The following MINDY4 variants were observed in gnomAD, a reference collection of about 807,000 sequenced individuals.
MINDY4 encodes MINDY lysine 48 deubiquitinase 4, also known as probable ubiquitin carboxyl-terminal hydrolase MINDY-4.
A neutral mutation model predicts 87.0 loss-of-function variants in MINDY4; 68 were observed. The ratio of observed to expected loss-of-function variants is 0.78; its 90% CI spans 0.64 to 0.96. MINDY4 has a LOEUF of 0.96. Ranked by LOEUF, MINDY4 falls within the 40% of genes least tolerant of loss-of-function variation. The pLI is 0.00. For missense variants in MINDY4, 919 were observed against 928.2 expected, an observed-to-expected ratio of 0.99 and a Z score of 0.13; for synonymous variants, 379 against 363.2, an observed-to-expected ratio of 1.04 and a Z score of -0.50.
At chr7:30,807,026 G>A (rs1224449395) in intron 5 of MINDY4, among the ~76,000 whole-genome samples, 1 of 152,258 alleles carries the variant, frequency 6.6e-6, no homozygotes, top group African/African-American at 2.4e-5. Context: ...TGGTCCCAGT[G>A]TCACTTTGTT....
chr7:30,845,079 G>A (rs1020927398), intron 9 of MINDY4, among the ~76,000 whole-genome samples: 1 of 152,170 alleles, frequency 6.6e-6, no homozygotes, highest in Non-Finnish European at 1.5e-5. Context: ...TTGTGCTGCT[G>A]TGCCCTGCAA....
At chr7:30,824,185 G>T (rs2128561516) in intron 5 of MINDY4, among the ~76,000 whole-genome samples, 1 of 152,284 alleles carries the variant, frequency 6.6e-6, no homozygotes, top group South Asian at 2.1e-4. Context: ...TCTAATGAGG[G>T]CCTTCTTGCT....
At chr7:30,867,394 A>C (rs1413949678) in intron 13 of MINDY4, among the ~76,000 whole-genome samples, 1 of 152,154 alleles carries the variant, frequency 6.6e-6, no homozygotes, top group African/African-American at 2.4e-5. Flanking sequence ...TCTGGTTGTT[A>C]TAGTAGGAAA....
At chr7:30,811,094 G>A (rs1326508591) in intron 5 of MINDY4, among the ~76,000 whole-genome samples, 1 of 151,834 alleles carries the variant, frequency 6.6e-6, no homozygotes, top group Non-Finnish European at 1.5e-5. Context: ...AAAGAAACTT[G>A]AGCCAGCCTA....
chr7:30,850,742 A>G (rs964000789), intron 10 of MINDY4, among the ~76,000 whole-genome samples, 187 bp downstream of exon 10: 1 of 152,226 alleles, frequency 6.6e-6, no homozygotes, highest in Non-Finnish European at 1.5e-5. Context: ...CTGGCCTTCC[A>G]TGCGGCCCTG....
rs1788962514 is a variant in MINDY4 at position 30,839,318 on chromosome 7, C to T, written c.1356+2C>T. 6.4e-7 allele frequency: 1 copy of T among 1,566,718 alleles called. No homozygotes were observed. Among genetic ancestry groups the T allele is most frequent in the African/African-American group, 1.4e-5 (1 of 72,982 alleles). ...AAATACGGCATAGTGCAGAACAAGGCAGGTTGCTCCTAGGTTTCCTTGGGA... is the reference window on the plus strand; with the variant it reads ...AAATACGGCATAGTGCAGAACAAGGTAGGTTGCTCCTAGGTTTCCTTGGGA... On this transcript the variant is annotated splice_donor_variant, in intron 8 of 17. Coordinates refer to ENST00000265299, the MANE Select transcript of MINDY4 (RefSeq NM_032222.3). LOFTEE classifies it low-confidence loss of function (GC_TO_GT_DONOR).
chr7:30,771,544 C>A lies in MINDY4; in HGVS notation c.51C>A (p.Phe17Leu), dbSNP rs1199560285. The A allele has an allele frequency of 6.2e-6, 10 of 1,601,588 alleles. No individual in the cohort carries two copies. The highest frequency in any genetic ancestry group is 8.5e-6 in the Non-Finnish European group (10 of 1,175,300). ...TGGCCGCCTCCTTGGTCAGGGAGTT[C>A]CTCAGCAGAAAGGTAACGGCTCGCC... ...EEVAASLVRE[F>L]LSRKGLKKTC... is the part of the protein sequence containing the mutation. The change falls in exon 1 of 18, where the codon TTC becomes TTA. Residue 17 changes from phenylalanine (F) to leucine (L), a missense_variant. Physicochemically the swap from Phe to Leu is conservative, Grantham distance 22. Coordinates refer to ENST00000265299, the MANE Select transcript of MINDY4 (RefSeq NM_032222.3).
chr7:30,888,286 T>G (rs1407955878), intron 17 of MINDY4, among the ~76,000 whole-genome samples: 1 of 152,184 alleles, frequency 6.6e-6, no homozygotes, highest in Non-Finnish European at 1.5e-5. Flanking sequence ...ACGGGACAAT[T>G]GTGTGCCCCT....
intron 9 of MINDY4, among the ~76,000 whole-genome samples, chr7:30,848,083 C>A (rs1158512438): frequency 6.6e-6 from 1 of 152,208 alleles, no homozygotes; most frequent in African/African-American, 2.4e-5. Context: ...AAGCTTCCAA[C>A]TGAGAATTAC....
intron 1 of MINDY4, among the ~76,000 whole-genome samples, chr7:30,776,967 A>T (rs866502388): frequency 6.7e-4 from 100 of 149,842 alleles, no homozygotes; most frequent in African/African-American, 2.4e-3. Flanking sequence ...CCCCAATGGT[A>T]TTTCTTTTCT....
intron 17 of MINDY4, among the ~76,000 whole-genome samples, chr7:30,890,092 C>T (rs187462678): frequency 1.3e-5 from 2 of 152,298 alleles, no homozygotes; most frequent in African/African-American, 4.8e-5. Flanking sequence ...CTGAACATCA[C>T]CAAATGACAC....
chr7:30,862,829 A>T (rs1562558474), intron 13 of MINDY4, among the ~76,000 whole-genome samples: 1 of 152,230 alleles, frequency 6.6e-6, no homozygotes, highest in African/African-American at 2.4e-5. Context: ...TCTTTATCTA[A>T]CAGGAGGGGT....
intron 15 of MINDY4, among the ~76,000 whole-genome samples, chr7:30,877,822 CTTTTTTTTTTTTTTTTTTTT>C (rs60164229): frequency 3.6e-4 from 17 of 47,542 alleles, no homozygotes; most frequent in South Asian, 1.6e-3. Context: ...CAGGGACATG[CTTTTTTTTTTTTTTTTTTTT>C]TTTTTTTTTT....
chr7:30,851,803 G>C (rs928062876), intron 10 of MINDY4, among the ~76,000 whole-genome samples: 2 of 152,204 alleles, frequency 1.3e-5, no homozygotes, highest in Non-Finnish European at 1.5e-5. Flanking sequence ...ACACCCCTGG[G>C]GACTGCACAC....
intron 4 of MINDY4, among the ~76,000 whole-genome samples, chr7:30,787,203 T>C (rs1787181998): frequency 6.6e-6 from 1 of 152,212 alleles, no homozygotes; most frequent in African/African-American, 2.4e-5. Flanking sequence ...ATTTCAGTGC[T>C]GTCAAGATCA....
In MINDY4 at chr7:30,892,261, G is replaced by A. The variant is rs906262160; in HGVS notation, c.*256G>A. 6.0e-6 allele frequency: 3 copies of A among 499,562 alleles called. No homozygotes were observed. The highest frequency in any genetic ancestry group is 3.9e-5 in the African/African-American group (2 of 51,582). 30.9% of individuals were successfully genotyped at this position (499,562 alleles called of 1,614,324 possible). Reference sequence around the variant, plus strand: ...CTGGAAGGAGGTTGCCAGGGTCTCTGCTACCTTTGTCTGCATCCCTCCCTT... The same window carrying A: ...CTGGAAGGAGGTTGCCAGGGTCTCTACTACCTTTGTCTGCATCCCTCCCTT... On this transcript the variant is annotated 3_prime_UTR_variant, in exon 18 of 18. Coordinates refer to ENST00000265299, the MANE Select transcript of MINDY4 (RefSeq NM_032222.3).
intron 17 of MINDY4, among the ~76,000 whole-genome samples, chr7:30,889,327 T>C (rs189869860): frequency 1.1e-3 from 167 of 152,314 alleles, no homozygotes; most frequent in Admixed American, 2.8e-3. Context: ...ATAGATGAAC[T>C]CAGTACCCAG....
intron 8 of MINDY4, among the ~76,000 whole-genome samples, chr7:30,840,544 C>T (rs749714156): frequency 6.6e-6 from 1 of 152,206 alleles, no homozygotes; most frequent in Non-Finnish European, 1.5e-5. Flanking sequence ...TGACAACTGG[C>T]CCCTTCCCCT....
At chr7:30,856,593 G>A (rs973280698) in intron 12 of MINDY4, among the ~76,000 whole-genome samples, 10 of 152,024 alleles carry the variant, frequency 6.6e-5, no homozygotes, top group African/African-American at 2.2e-4. Flanking sequence ...TGGCGGAAGG[G>A]GAAACAGACC....
Sources: allele counts gnomAD v4.1 joint callset (sites outside exome capture counted in the v4.1 genomes callset), GRCh38; gene constraint gnomAD v4.1.1; transcripts MANE v1.5; gene names NCBI Gene and HGNC (gene_info 2026-07-23, HGNC 2026-07-21).